Variants in ERAP1 observed in about 807,000 individuals in gnomAD.
ERAP1 encodes the protein endoplasmic reticulum aminopeptidase 1, also known as adipocyte-derived leucine aminopeptidase.
In ERAP1, 86 loss-of-function variants were observed where a neutral mutation model predicts 103.7. The observed-to-expected ratio is 0.83, with a 90% CI of 0.70 to 0.99. ERAP1 has a LOEUF of 0.99. Among genes scored for constraint, ERAP1 ranks in the 50% least tolerant of loss-of-function variants. The probability of loss-of-function intolerance (pLI) is 0.00; values close to 1 mark genes in which losing one functional copy is unlikely to be tolerated. For synonymous variants in ERAP1, 398 were observed against 402.4 expected (o/e 0.99, Z 0.13); for missense variants, 1,009 against 1,128.4 (o/e 0.89, Z 1.52).
At chr5:96,842,727 T>C in the ERAP1 span, among the ~76,000 whole-genome samples, 2 of 152,368 alleles carry the variant, frequency 1.3e-5, no homozygotes, top group South Asian at 4.1e-4. Flanking sequence ...ACTCTGTGGG[T>C]TGTCTGTCTA....
At position 96,801,854 on chromosome 5, in the gene ERAP1, C is replaced by CAAAAAA. The variant is rs59332218; in HGVS notation, c.525-860_525-855dup. Among the ~76,000 whole-genome samples, 45 of 54,682 alleles carry CAAAAAA rather than the reference C, an allele frequency of 8.2e-4. 1 individual carries two copies. Among genetic ancestry groups the CAAAAAA allele is most frequent in the African/African-American group, 2.2e-3 (24 of 10,768 alleles). The allele number at this position is 54,682 out of a possible 152,430, so 35.9% of individuals were successfully genotyped here. ...GTGACAGAGCAAGACTCCGTCTCGA[C>CAAAAAA]AAAAAAAAAAAAAAAAAAAAAAAAA... On this transcript the variant is annotated intron_variant, in intron 2 of 18. Transcript: ENST00000443439.
At chr5:96,916,435 A>G in the ERAP1 span, among the ~76,000 whole-genome samples, 6 of 139,072 alleles carry the variant, frequency 4.3e-5, no homozygotes, top group Admixed American at 4.3e-4. Flanking sequence ...TAACAAAACT[A>G]TTGTTGGTAA....
intron 4 of ERAP1, among the ~76,000 whole-genome samples, 198 bp downstream of exon 4, chr5:96,796,977 C>T (rs1436392191): frequency 6.6e-6 from 1 of 152,166 alleles, no homozygotes; most frequent in Non-Finnish European, 1.5e-5. Flanking sequence ...TTTGCAGAGA[C>T]AGGTTCTCAC....
chr5:96,822,341 A>G, the ERAP1 span, among the ~76,000 whole-genome samples: 2 of 152,248 alleles, frequency 1.3e-5, no homozygotes, highest in Non-Finnish European at 2.9e-5. Context: ...TAAATCAGGA[A>G]GCCAGAGTTT....
In ERAP1 at chr5:96,762,371, C is replaced by T. The variant is rs201324973; in HGVS notation, c.*829G>A. 4.3e-5 allele frequency: 68 copies of T among 1,584,410 alleles called. No homozygotes were observed. The highest frequency in any genetic ancestry group is 1.7e-4 in the Admixed American group (9 of 52,640). ...GCTGGAGCCCCACCCCGTGATACCT[C>T]GGTAAGCAGCACATCTTATTTGGGA... On this transcript the variant is annotated 3_prime_UTR_variant, in exon 20 of 20. Transcript: ENST00000296754.
the ERAP1 span, among the ~76,000 whole-genome samples, chr5:96,932,136 C>A: frequency 1.1e-4 from 17 of 152,144 alleles, no homozygotes; most frequent in African/African-American, 4.1e-4. Context: ...GATACAACTT[C>A]AAACATTACT....
At chr5:96,905,741 C>T in the ERAP1 span, among the ~76,000 whole-genome samples, 1 of 151,782 alleles carries the variant, frequency 6.6e-6, no homozygotes, top group African/African-American at 2.4e-5. Flanking sequence ...AAAATTAGCC[C>T]AGTGTGGTGG....
At chr5:96,887,724 G>A in the ERAP1 span, among the ~76,000 whole-genome samples, 675 of 152,250 alleles carry the variant, frequency 4.4e-3, 6 homozygotes, top group African/African-American at 0.016. Flanking sequence ...TTAAATATTT[G>A]CAAACATCAG....
intron 8 of ERAP1, among the ~76,000 whole-genome samples, chr5:96,791,319 T>G (rs1776708217): frequency 6.6e-6 from 1 of 152,224 alleles, no homozygotes. Context: ...ATAAGAAGAA[T>G]GCTCTTTTAC....
the ERAP1 span, among the ~76,000 whole-genome samples, chr5:96,844,458 T>A: frequency 0.073 from 11,154 of 152,274 alleles, 513 homozygotes; most frequent in African/African-American, 0.12. Flanking sequence ...TTATTTATTT[T>A]TTGCTTAAGC....
chr5:96,823,038 G>A, the ERAP1 span: 1 of 456,250 alleles, frequency 2.2e-6, no homozygotes, highest in Admixed American at 2.3e-5. Flanking sequence ...GTTTCTTGCT[G>A]GCTGTTGACT....
At chr5:96,909,840 G>A in the ERAP1 span, 2 of 1,435,322 alleles carry the variant, frequency 1.4e-6, no homozygotes, top group South Asian at 1.3e-5. Flanking sequence ...AAGACATTAG[G>A]TCTAAAACCT....
the ERAP1 span, among the ~76,000 whole-genome samples, chr5:96,886,102 A>G: frequency 6.6e-6 from 1 of 152,234 alleles, no homozygotes. Context: ...CCGTGGAACT[A>G]GCCATGTGAT....
Position 96,781,082 on chromosome 5 carries a change from T to C in ERAP1, c.2564A>G (p.Lys855Arg), listed in dbSNP as rs1220587942. ...CTTTTGTACAAGTTTGTTCCAGTTTTTCCTCAGAAATTGCCAGGCCAGTGG... is the reference window on the plus strand; with the variant it reads ...CTTTTGTACAAGTTTGTTCCAGTTTCTCCTCAGAAATTGCCAGGCCAGTGG... ...GYPLAWQFLR[K>R]NWNKLVQKFE... Residue 855 changes from lysine (K) to arginine (R), a missense_variant, in exon 17 of 19, where the codon AAA becomes AGA. Physicochemically the swap from Lys to Arg is conservative, Grantham distance 26. Transcript: ENST00000443439. 2 of 1,614,054 alleles carry C rather than the reference T, an allele frequency of 1.2e-6. No homozygotes were observed. Among genetic ancestry groups the C allele is most frequent in the African/African-American group, 1.3e-5 (1 of 75,018 alleles).
At chr5:96,851,309 C>G in the ERAP1 span, among the ~76,000 whole-genome samples, 2 of 152,178 alleles carry the variant, frequency 1.3e-5, no homozygotes, top group Non-Finnish European at 2.9e-5. Flanking sequence ...TTTCCTTAAT[C>G]AGGCTGCACT....
chr5:96,888,972 G>A, the ERAP1 span, among the ~76,000 whole-genome samples: 1 of 152,062 alleles, frequency 6.6e-6, no homozygotes. Flanking sequence ...GAAATGGATT[G>A]TAACAGAAGA....
the ERAP1 span, among the ~76,000 whole-genome samples, chr5:96,825,356 G>GAT: frequency 6.6e-6 from 1 of 152,256 alleles, no homozygotes; most frequent in East Asian, 1.9e-4. Context: ...CACTTTATAT[G>GAT]ATATATATTC....
the ERAP1 span, among the ~76,000 whole-genome samples, chr5:96,867,717 C>A: frequency 1.1e-4 from 17 of 152,246 alleles, no homozygotes; most frequent in African/African-American, 4.1e-4. Context: ...ATTTAACAAC[C>A]AGCTCTCATG....
the ERAP1 span, among the ~76,000 whole-genome samples, chr5:96,922,126 G>C: frequency 5.3e-5 from 8 of 150,626 alleles, no homozygotes; most frequent in Admixed American, 5.3e-4. Context: ...GTGAAACCCC[G>C]TCGCTGCTAA....
Sources: gnomAD v4.1 joint callset for allele counts (sites outside exome capture counted in the v4.1 genomes callset) on GRCh38, gnomAD v4.1.1 for gene constraint, MANE v1.5 for transcripts, NCBI Gene and HGNC (gene_info 2026-07-23, HGNC 2026-07-21) for gene names.